The following EXOC6B variants were observed in gnomAD, a reference collection of about 807,000 sequenced individuals.
EXOC6B encodes the protein exocyst complex component 6B, also known as SEC15 homolog B.
Under a neutral mutation model 113.5 loss-of-function variants are expected in EXOC6B, and 54 were observed. That is an observed-to-expected ratio of 0.48 (90% CI 0.38 to 0.60). The LOEUF (loss-of-function observed/expected upper bound fraction) is 0.60. Among genes scored for constraint, EXOC6B ranks in the 20% least tolerant of loss-of-function variants. The pLI, the probability that EXOC6B is intolerant of heterozygous loss-of-function variation, is 0.00. For synonymous variants in EXOC6B, 357 were observed against 339.0 expected, an observed-to-expected ratio of 1.05 and a Z score of -0.58; for missense variants, 797 against 977.5, an observed-to-expected ratio of 0.82 and a Z score of 2.46.
chr2:72,515,219 AG>A, intron 8 of EXOC6B, 93 bp from the exon 9 acceptor site: 1 of 1,180,324 alleles, frequency 8.5e-7, no homozygotes, highest in East Asian at 2.6e-5. Context: ...CTGGAATTTG[AG>A]GTAGTATCAC....
chr2:72,559,921 G>A (rs997778886), intron 7 of EXOC6B, among the ~76,000 whole-genome samples: 3 of 152,182 alleles, frequency 2.0e-5, no homozygotes, highest in African/African-American at 7.2e-5. Flanking sequence ...CTAAGTTTTA[G>A]TAGTCAAAAA....
At chr2:72,628,541 C>T (rs372511554) in intron 6 of EXOC6B, among the ~76,000 whole-genome samples, 14 of 152,142 alleles carry the variant, frequency 9.2e-5, no homozygotes, top group African/African-American at 2.6e-4. Flanking sequence ...AAATCCTAAC[C>T]CACAATATGA....
At chr2:72,778,635 T>G (rs897135168) in intron 1 of EXOC6B, among the ~76,000 whole-genome samples, 3 of 152,184 alleles carry the variant, frequency 2.0e-5, no homozygotes, top group Non-Finnish European at 4.4e-5. Flanking sequence ...CAGTTATCCT[T>G]TCAGTTCAGG....
At chr2:72,550,472 T>G (rs1703147891) in intron 8 of EXOC6B, among the ~76,000 whole-genome samples, 1 of 152,170 alleles carries the variant, frequency 6.6e-6, no homozygotes, top group Non-Finnish European at 1.5e-5. Flanking sequence ...AAAATAGAAC[T>G]GAGTTTCTAC....
chr2:72,485,299 T>A (rs981859992), intron 16 of EXOC6B, among the ~76,000 whole-genome samples: 1 of 152,240 alleles, frequency 6.6e-6, no homozygotes, highest in African/African-American at 2.4e-5. Context: ...CACATCTGCA[T>A]ATATTAAAAC....
chr2:72,403,568 C>G (rs1421629688), intron 18 of EXOC6B, among the ~76,000 whole-genome samples: 1 of 152,046 alleles, frequency 6.6e-6, no homozygotes, highest in Non-Finnish European at 1.5e-5. Context: ...CATGGTGGTG[C>G]ATGCCTGTAG....
intron 19 of EXOC6B, among the ~76,000 whole-genome samples, chr2:72,373,046 G>T (rs1247159870): frequency 6.6e-6 from 1 of 150,442 alleles, no homozygotes; most frequent in African/African-American, 2.4e-5. Flanking sequence ...AACTCTTCAG[G>T]ATATCAGTCT....
intron 20 of EXOC6B, among the ~76,000 whole-genome samples, chr2:72,276,272 C>A (rs1684805421): frequency 6.6e-6 from 1 of 152,086 alleles, no homozygotes; most frequent in Admixed American, 6.6e-5. Context: ...GTATTAAATT[C>A]TTAAGTGATC....
At chr2:72,397,963 G>T (rs950779168) in intron 18 of EXOC6B, among the ~76,000 whole-genome samples, 1 of 152,110 alleles carries the variant, frequency 6.6e-6, no homozygotes, top group Non-Finnish European at 1.5e-5. Flanking sequence ...AAAAAATACT[G>T]CAAAACAAAG....
At chr2:72,627,879 C>T (rs935765556) in intron 6 of EXOC6B, among the ~76,000 whole-genome samples, 9 of 151,964 alleles carry the variant, frequency 5.9e-5, no homozygotes, top group African/African-American at 2.2e-4. Flanking sequence ...AAACATGCAC[C>T]ACTGCACACA....
At chr2:72,740,156 T>C (rs1042245294) in intron 2 of EXOC6B, among the ~76,000 whole-genome samples, 2 of 152,146 alleles carry the variant, frequency 1.3e-5, no homozygotes, top group African/African-American at 2.4e-5. Flanking sequence ...TAGAATACAA[T>C]ATAATGTCTG....
intron 20 of EXOC6B, among the ~76,000 whole-genome samples, chr2:72,332,198 A>AT (rs1448109773): frequency 6.6e-6 from 1 of 151,998 alleles, no homozygotes; most frequent in African/African-American, 2.4e-5. Context: ...CCTATTTAAT[A>AT]TTTTTATCTT....
intron 6 of EXOC6B, among the ~76,000 whole-genome samples, chr2:72,662,406 C>T (rs1303596541): frequency 1.3e-5 from 2 of 152,156 alleles, no homozygotes; most frequent in Admixed American, 6.5e-5. Context: ...CTGCAAATCA[C>T]ATATCTGGCA....
chr2:72,353,885 C>T lies in EXOC6B; in HGVS notation c.2123-18865G>A, dbSNP rs182762270. Among the ~76,000 whole-genome samples, 12 of 152,218 alleles carry T rather than the reference C, an allele frequency of 7.9e-5. No individual in the cohort carries two copies. The East Asian group carries it at 1.4e-3, about 17-fold the overall frequency. On this transcript the variant is annotated intron_variant, in intron 19 of 21. Transcript: ENST00000272427. The stretch of plus-strand genomic sequence containing the variant: ...TTTGAAATGGCATTACTTATTCTTT[C>T]TGGTCCATGAAACTTAAGGTGTAGC...
At chr2:72,557,865 A>C (rs574166094) in intron 8 of EXOC6B, among the ~76,000 whole-genome samples, 2 of 152,316 alleles carry the variant, frequency 1.3e-5, no homozygotes, top group East Asian at 3.9e-4. Flanking sequence ...TTTTGTTAAA[A>C]GTGTCCGAAA....
chr2:72,412,629 A>C (rs966640878), intron 18 of EXOC6B, among the ~76,000 whole-genome samples: 1 of 152,206 alleles, frequency 6.6e-6, no homozygotes, highest in African/African-American at 2.4e-5. Flanking sequence ...TACTTTTTGG[A>C]GCTAAGATAA....
intron 6 of EXOC6B, among the ~76,000 whole-genome samples, chr2:72,628,127 A>G (rs1265687346): frequency 1.3e-5 from 2 of 151,878 alleles, no homozygotes; most frequent in African/African-American, 4.8e-5. Flanking sequence ...GAAAATTATT[A>G]TTGTTATTAT....
At chr2:72,784,711 TTCC>T (rs1684269735) in intron 1 of EXOC6B, among the ~76,000 whole-genome samples, 1 of 152,168 alleles carries the variant, frequency 6.6e-6, no homozygotes, top group Non-Finnish European at 1.5e-5. Flanking sequence ...TCCTCCTGGG[TTCC>T]TCCCACAACA....
chr2:72,688,246 C>A (rs1677226132), intron 6 of EXOC6B, among the ~76,000 whole-genome samples: 1 of 152,058 alleles, frequency 6.6e-6, no homozygotes, highest in African/African-American at 2.4e-5. Context: ...TTTAAGTTCC[C>A]CCAGAAGGAG....
Sources: allele counts gnomAD v4.1 joint callset (sites outside exome capture counted in the v4.1 genomes callset), GRCh38; gene constraint gnomAD v4.1.1; transcripts MANE v1.5; gene names NCBI Gene and HGNC (gene_info 2026-07-23, HGNC 2026-07-21).